CALN1: variants seen among roughly 807,000 people sequenced by gnomAD.
CALN1 encodes the protein calneuron 1.
A neutral mutation model predicts 30.6 loss-of-function variants in CALN1; 17 were observed. That is an observed-to-expected ratio of 0.56 (90% CI 0.38 to 0.83). The LOEUF is 0.83. Ranked by LOEUF, CALN1 falls within the 40% of genes least tolerant of loss-of-function variation. The pLI is 0.00. For missense variants in CALN1, 291 were observed against 354.9 expected, an observed-to-expected ratio of 0.82 and a Z score of 1.45; for synonymous variants, 156 against 131.4, an observed-to-expected ratio of 1.19 and a Z score of -1.28.
At chr7:72,460,501 A>T in the CALN1 span, among the ~76,000 whole-genome samples, 6 of 151,958 alleles carry the variant, frequency 3.9e-5, no homozygotes, top group African/African-American at 1.4e-4. Context: ...GCGTGGTGGC[A>T]GGTGCCTGTA....
the CALN1 span, among the ~76,000 whole-genome samples, chr7:72,487,949 GGAAGGA>G: frequency 1.6e-5 from 1 of 63,606 alleles, no homozygotes; most frequent in Admixed American, 1.5e-4. Flanking sequence ...AAGGAAGGAA[GGAAGGA>G]AAGGAAGGAA....
chr7:72,079,214 G>C (rs1436710749), intron 4 of CALN1, among the ~76,000 whole-genome samples: 1 of 152,096 alleles, frequency 6.6e-6, no homozygotes, highest in African/African-American at 2.4e-5. Flanking sequence ...ATCATACTGG[G>C]AGACCTCGGG....
At chr7:72,040,424 G>A (rs144303827) in intron 4 of CALN1, among the ~76,000 whole-genome samples, 57 of 152,262 alleles carry the variant, frequency 3.7e-4, no homozygotes, top group Non-Finnish European at 8.2e-4. Flanking sequence ...AGTTGTGGCT[G>A]TAGTGGGCTA....
At chr7:72,449,181 A>G (rs116893635), upstream of CALN1, among the ~76,000 whole-genome samples, 40 of 152,290 alleles carry the variant, frequency 2.6e-4, no homozygotes, top group Non-Finnish European at 5.0e-4. Context: ...ACAGAAAGGG[A>G]AAGGAAGGAA....
intron 2 of CALN1, among the ~76,000 whole-genome samples, chr7:72,338,525 G>GTGTGTGTCTGTCTGTCTTTC: frequency 1.1e-4 from 14 of 122,292 alleles, no homozygotes; most frequent in Admixed American, 5.1e-4. Flanking sequence ...GTGTGTGTGT[G>GTGTGTGTCTGTCTGTCTTTC]TGTCTCACCT....
intron 5 of CALN1, among the ~76,000 whole-genome samples, chr7:71,813,000 G>A (rs975798094): frequency 1.3e-5 from 2 of 151,266 alleles, no homozygotes; most frequent in Admixed American, 6.6e-5. Flanking sequence ...CCAGGCTGGA[G>A]TACAGTGGCG....
intron 2 of CALN1, among the ~76,000 whole-genome samples, chr7:72,307,092 T>C: frequency 1.3e-5 from 2 of 152,256 alleles, no homozygotes; most frequent in Admixed American, 1.3e-4. Flanking sequence ...CAGACTTCTG[T>C]TTTTGGTTTT....
chr7:71,898,544 G>A (rs543485670), intron 5 of CALN1, among the ~76,000 whole-genome samples: 10 of 152,250 alleles, frequency 6.6e-5, no homozygotes, highest in Non-Finnish European at 1.5e-4. Flanking sequence ...AGTTTCACAA[G>A]GAGAGGAGAT....
chr7:72,221,312 C>CTTTTTTTTT (rs1174615183), intron 3 of CALN1, among the ~76,000 whole-genome samples: 1 of 88,968 alleles, frequency 1.1e-5, no homozygotes, highest in East Asian at 3.6e-4. Flanking sequence ...GTCTTGGCTT[C>CTTTTTTTTT]TTTTTTTTTT....
intron 2 of CALN1, among the ~76,000 whole-genome samples, chr7:72,372,170 C>T (rs749404723): frequency 8.5e-5 from 13 of 152,052 alleles, no homozygotes; most frequent in Non-Finnish European, 1.6e-4. Context: ...CTTTCTTTTC[C>T]TTTTCTCTAT....
chr7:72,485,904 A>C, the CALN1 span, among the ~76,000 whole-genome samples: 40 of 152,272 alleles, frequency 2.6e-4, no homozygotes, highest in South Asian at 8.3e-3. Flanking sequence ...TACTGGACTA[A>C]ATGTAGATAT....
chr7:72,216,638 T>G (rs1192803060), intron 3 of CALN1, among the ~76,000 whole-genome samples: 1 of 152,096 alleles, frequency 6.6e-6, no homozygotes, highest in Non-Finnish European at 1.5e-5. Flanking sequence ...TCCTGAGTTC[T>G]AGACATAGAG....
At chr7:72,010,117 C>T (rs938816632) in intron 5 of CALN1, among the ~76,000 whole-genome samples, 1 of 152,118 alleles carries the variant, frequency 6.6e-6, no homozygotes, top group African/African-American at 2.4e-5. Flanking sequence ...CTGGAAAAAT[C>T]CATGACTGCT....
At chr7:72,148,264 TAAAAAAA>T (rs35780457) in intron 3 of CALN1, among the ~76,000 whole-genome samples, 1 of 132,678 alleles carries the variant, frequency 7.5e-6, no homozygotes, top group Non-Finnish European at 1.6e-5. Flanking sequence ...TGTGGTTGTT[TAAAAAAA>T]AAAAAAAAAA....
chr7:71,781,230 T>C lies in CALN1; in HGVS notation c.*6545A>G, dbSNP rs1367974848. 6.6e-6 allele frequency: 1 copy of C among 152,206 alleles called. No individual in the cohort carries two copies. Among genetic ancestry groups the C allele is most frequent in the Admixed American group, 6.5e-5 (1 of 15,272 alleles). The allele number at this position is 152,206 out of a possible 1,614,324, so 9.4% of individuals were successfully genotyped here. A position where few individuals can be genotyped will look rare whatever the true frequency, so the allele number is the denominator to read the frequency against. On this transcript the variant is annotated 3_prime_UTR_variant, in exon 7 of 7. Coordinates refer to ENST00000395275, the MANE Select transcript of CALN1 (RefSeq NM_031468.4). ...AGAGAAACCTGAAGCCAGGGAGGAA[T>C]GTCACTCAACATAACCTAGATAGTG...
At chr7:72,132,843 G>A (rs1187093849) in intron 3 of CALN1, among the ~76,000 whole-genome samples, 6 of 152,036 alleles carry the variant, frequency 3.9e-5, no homozygotes, top group African/African-American at 1.4e-4. Flanking sequence ...GACCAATTTC[G>A]GTCTGTAGCC....
intron 2 of CALN1, among the ~76,000 whole-genome samples, chr7:72,336,365 G>C (rs761561648): frequency 3.3e-5 from 5 of 152,146 alleles, no homozygotes; most frequent in African/African-American, 4.8e-5. Context: ...ACTGGCGCCT[G>C]GGGGCTAGAA....
intron 2 of CALN1, among the ~76,000 whole-genome samples, chr7:72,286,828 C>T (rs577096936): frequency 6.6e-6 from 1 of 152,246 alleles, no homozygotes; most frequent in African/African-American, 2.4e-5. Flanking sequence ...CAGCAAAAGC[C>T]TATTGCCAAT....
chr7:71,993,872 CTTAA>C (rs772279897), intron 5 of CALN1, among the ~76,000 whole-genome samples: 41 of 152,210 alleles, frequency 2.7e-4, no homozygotes, highest in African/African-American at 7.5e-4. Flanking sequence ...AAATGAAGGC[CTTAA>C]TTAAACTAAT....
Sources: gnomAD v4.1 joint callset for allele counts (sites outside exome capture counted in the v4.1 genomes callset) on GRCh38, gnomAD v4.1.1 for gene constraint, MANE v1.5 for transcripts, NCBI Gene and HGNC (gene_info 2026-07-23, HGNC 2026-07-21) for gene names.